PXK: variants seen among roughly 807,000 people sequenced by gnomAD.
PXK encodes PX domain containing serine/threonine kinase like.
A neutral mutation model predicts 84.7 loss-of-function variants in PXK; 35 were observed. The ratio of observed to expected loss-of-function variants is 0.41; its 90% CI spans 0.32 to 0.55. PXK has a LOEUF of 0.55. PXK is among the 20% of genes least tolerant of loss of function. PXK has a pLI of 0.21. For missense variants in PXK, 634 were observed against 699.7 expected (o/e 0.91, Z 1.06); for synonymous variants, 253 against 260.8 (o/e 0.97, Z 0.29).
At chr3:58,335,747 G>C (rs2097580218) in intron 1 of PXK, among the ~76,000 whole-genome samples, 1 of 152,094 alleles carries the variant, frequency 6.6e-6, no homozygotes, top group Admixed American at 6.6e-5. Context: ...ATACTTGCTA[G>C]TCATGTGATA....
rs1203992864 is a variant in PXK at position 58,398,253 on chromosome 3, T to G, written c.1102+531T>G. On this transcript the variant is annotated intron_variant, in intron 11 of 17. Transcript: ENST00000356151. The surrounding 1 kb of genome is among the most constrained non-coding windows in gnomAD (Gnocchi z 4.5). ...CCATCTGTACTAAAATTACAAAAAT[T>G]AGCTGGGCGTGGAGGTGCATGCCTG... 2.6e-5 allele frequency among the ~76,000 whole-genome samples: 4 copies of G among 152,084 alleles called. No homozygotes were observed. The East Asian group carries it at 7.7e-4, about 29-fold the overall frequency.
At chr3:58,422,201 T>G in intron 17 of PXK, 1 of 985,436 alleles carries the variant, frequency 1.0e-6, no homozygotes. Context: ...TGGGGCAGAC[T>G]GAGTGAGACC....
chr3:58,371,661 T>C (rs551242259), intron 3 of PXK, among the ~76,000 whole-genome samples: 1 of 152,364 alleles, frequency 6.6e-6, no homozygotes, highest in Admixed American at 6.5e-5. Flanking sequence ...TGATAAAGTT[T>C]CTCCACAACT....
At chr3:58,395,797 A>T in intron 9 of PXK, 38 bp downstream of exon 9, 1 of 1,517,752 alleles carries the variant, frequency 6.6e-7, no homozygotes, top group Non-Finnish European at 9.1e-7. Flanking sequence ...TTCAGATTTC[A>T]TCCAAAATTG....
At chr3:58,348,141 TC>T (rs1453360948) in intron 1 of PXK, among the ~76,000 whole-genome samples, 2 of 152,154 alleles carry the variant, frequency 1.3e-5, no homozygotes, top group Non-Finnish European at 2.9e-5. Flanking sequence ...AACTCTGACC[TC>T]AAGTCATCCA....
In PXK at chr3:58,401,392, T is replaced by A. The variant is rs947533656; in HGVS notation, c.1181+2015T>A. Among the ~76,000 whole-genome samples, 1 of 152,096 alleles carries A rather than the reference T, an allele frequency of 6.6e-6. No individual in the cohort carries two copies. Among genetic ancestry groups the A allele is most frequent in the Admixed American group, 6.5e-5 (1 of 15,272 alleles). ...AGTTTGGGAGGCTGAGGCAGGTGGA[T>A]CACTTGAGCTCAGGAGTTCAAGACC... On this transcript the variant is annotated intron_variant, in intron 12 of 17. Coordinates refer to ENST00000356151, the MANE Select transcript of PXK (RefSeq NM_017771.5). This position sits in a 1 kb window ranked among gnomAD's most constrained non-coding sequence, Gnocchi z 4.4.
In PXK at chr3:58,400,595, CA is replaced by C. The variant is rs1470896527; in HGVS notation, c.1181+1221del. On this transcript the variant is annotated intron_variant, in intron 12 of 17. Coordinates refer to ENST00000356151, the MANE Select transcript of PXK (RefSeq NM_017771.5). This position sits in a 1 kb window ranked among gnomAD's most constrained non-coding sequence, Gnocchi z 4.0. ...CCACAGACACTGAAGCGTCTGTCGC[CA>C]AACCAGCAACCATTAATAATAATGT... 1.3e-5 allele frequency among the ~76,000 whole-genome samples: 2 copies of C among 152,262 alleles called. No individual in the cohort carries two copies. The highest frequency in any genetic ancestry group is 1.5e-5 in the Non-Finnish European group (1 of 68,016).
chr3:58,403,008 C>CCT (rs748959644), intron 12 of PXK, among the ~76,000 whole-genome samples: 1 of 141,338 alleles, frequency 7.1e-6, no homozygotes, highest in Non-Finnish European at 1.5e-5. Flanking sequence ...ATAACATACC[C>CCT]TTTTTTTTTT....
intron 13 of PXK, among the ~76,000 whole-genome samples, chr3:58,405,733 A>G (rs2059298396): frequency 6.6e-6 from 1 of 151,312 alleles, no homozygotes; most frequent in African/African-American, 2.4e-5. Flanking sequence ...AGCTGAGATC[A>G]TGCCGGTACA....
In PXK at chr3:58,333,518, T is replaced by C. The variant is rs1199781213; in HGVS notation, c.102+428T>C. 4.4e-6 allele frequency: 2 copies of C among 456,482 alleles called. No homozygotes were observed. Among genetic ancestry groups the C allele is most frequent in the Non-Finnish European group, 4.4e-6 (1 of 226,902 alleles). The allele number at this position is 456,482 out of a possible 1,614,324, so 28.3% of individuals were successfully genotyped here. On this transcript the variant is annotated intron_variant, in intron 1 of 17. Coordinates refer to ENST00000356151, the MANE Select transcript of PXK (RefSeq NM_017771.5). The surrounding 1 kb of genome is among the most constrained non-coding windows in gnomAD (Gnocchi z 5.4). Reference sequence around the variant, plus strand: ...AATTTCCTCCTTGCAGCTGAGGGTCTGGGTGATGGGGATGAGGGTGTGCCG... The same window carrying C: ...AATTTCCTCCTTGCAGCTGAGGGTCCGGGTGATGGGGATGAGGGTGTGCCG...
In PXK at chr3:58,407,556, TTTA is replaced by T. The variant is rs869169283; in HGVS notation, c.1231-1365_1231-1363del. 2.0e-5 allele frequency among the ~76,000 whole-genome samples: 3 copies of T among 151,978 alleles called. No individual in the cohort carries two copies. Among genetic ancestry groups the T allele is most frequent in the African/African-American group, 7.2e-5 (3 of 41,406 alleles). On this transcript the variant is annotated intron_variant, in intron 13 of 17. Transcript: ENST00000356151. This position sits in a 1 kb window ranked among gnomAD's most constrained non-coding sequence, Gnocchi z 4.3. Reference sequence around the variant, plus strand: ...AATGTTTTATTTATTTATTTATTTATTTATTTTTCTTTTTTTCTTTTGGAGACA... The same window carrying T: ...AATGTTTTATTTATTTATTTATTTATTTTTTCTTTTTTTCTTTTGGAGACA...
chr3:58,393,127 T>G (rs1262885111), intron 7 of PXK, among the ~76,000 whole-genome samples: 1 of 151,830 alleles, frequency 6.6e-6, no homozygotes, highest in East Asian at 2.0e-4. Context: ...GGCGGATGGA[T>G]CACAAGGTCA....
intron 17 of PXK, among the ~76,000 whole-genome samples, chr3:58,419,573 G>A (rs1426243509): frequency 6.6e-6 from 1 of 152,218 alleles, no homozygotes; most frequent in East Asian, 1.9e-4. Flanking sequence ...TTTATGGACA[G>A]TTTTTACACA....
chr3:58,421,956 G>C lies in PXK; in HGVS notation c.1529-2796G>C. ...TATGTGGCCTGGAGATAAGGGTATT[G>C]GAGGTCTCTTGGCAGGAAGGCCTCA... On this transcript the variant is annotated intron_variant, in intron 17 of 17. Transcript: ENST00000356151. The surrounding 1 kb of genome is among the most constrained non-coding windows in gnomAD (Gnocchi z 5.5). The C allele has an allele frequency of 1.0e-6, 1 of 985,338 alleles. No homozygotes were observed. Among genetic ancestry groups the C allele is most frequent in the Non-Finnish European group, 1.2e-6 (1 of 829,910 alleles). 61.0% of individuals were successfully genotyped at this position (985,338 alleles called of 1,614,324 possible). A position where few individuals can be genotyped will look rare whatever the true frequency, so the allele number is the denominator to read the frequency against.
Position 58,332,907 on chromosome 3 carries a change from G to T in PXK, c.-82G>T, listed in dbSNP as rs1338688747. On this transcript the variant is annotated 5_prime_UTR_variant, in exon 1 of 18. Transcript: ENST00000356151. This position sits in a 1 kb window ranked among gnomAD's most constrained non-coding sequence, Gnocchi z 5.6. ...GGCGGCGCGTGTTGACAGCGGCGGC[G>T]GTGGAACCGGGCGGGCGGCGGGAGT... The T allele has an allele frequency of 2.2e-6, 2 of 892,394 alleles. No individual in the cohort carries two copies. Among genetic ancestry groups the T allele is most frequent in the East Asian group, 4.7e-5 (1 of 21,460 alleles). 55.3% of individuals were successfully genotyped at this position (892,394 alleles called of 1,614,324 possible).
chr3:58,337,972 C>T (rs1429123793), intron 1 of PXK, among the ~76,000 whole-genome samples: 2 of 152,204 alleles, frequency 1.3e-5, no homozygotes, highest in Non-Finnish European at 2.9e-5. Flanking sequence ...ATCTAGTACT[C>T]AGTATCAGAA....
Position 58,409,531 on chromosome 3 carries a change from G to A in PXK, c.1309-1G>A, listed in dbSNP as rs2059879771. The stretch of plus-strand genomic sequence containing the variant: ...TGCTTACATCTTATGGTCTTTTAAA[G>A]ATTCACCAGCATCGAAGACTGACAA... On this transcript the variant is annotated splice_acceptor_variant, in intron 14 of 17. Coordinates refer to ENST00000356151, the MANE Select transcript of PXK (RefSeq NM_017771.5). LOFTEE classifies it high-confidence loss of function. The surrounding 1 kb of genome is among the most constrained non-coding windows in gnomAD (Gnocchi z 4.2). 6.2e-7 allele frequency: 1 copy of A among 1,612,436 alleles called. No homozygotes were observed. Among genetic ancestry groups the A allele is most frequent in the African/African-American group, 1.3e-5 (1 of 74,780 alleles).
At position 58,391,764 on chromosome 3, in the gene PXK, T is replaced by C; in HGVS notation, c.541-9T>C. 6.2e-7 allele frequency: 1 copy of C among 1,610,836 alleles called. No individual in the cohort carries two copies. The highest frequency in any genetic ancestry group is 1.3e-5 in the African/African-American group (1 of 74,974). On this transcript the variant is annotated splice_polypyrimidine_tract_variant and intron_variant, in intron 6 of 17. Coordinates refer to ENST00000356151, the MANE Select transcript of PXK (RefSeq NM_017771.5). The stretch of plus-strand genomic sequence containing the variant: ...AACAGTACCCTGATATTCCCTTCCA[T>C]GTTTTCAGGCTGACCTTGGCCCAGA...
chr3:58,356,257 G>A (rs1010339021), intron 1 of PXK, among the ~76,000 whole-genome samples: 1 of 152,164 alleles, frequency 6.6e-6, no homozygotes, highest in African/African-American at 2.4e-5. Flanking sequence ...AAGAGGAGGG[G>A]CAGAAAGGAG....
Sources: allele counts gnomAD v4.1 joint callset (sites outside exome capture counted in the v4.1 genomes callset), GRCh38; gene constraint gnomAD v4.1.1; non-coding constraint Gnocchi (gnomAD v3.1); transcripts MANE v1.5; gene names NCBI Gene and HGNC (gene_info 2026-07-23, HGNC 2026-07-21).